ARID1B: variants seen among roughly 807,000 people sequenced by gnomAD.
ARID1B encodes AT-rich interactive domain-containing protein 1B.
A neutral mutation model predicts 212.3 loss-of-function variants in ARID1B; 30 were observed. That is an observed-to-expected ratio of 0.14 (90% CI 0.11 to 0.19). The LOEUF (loss-of-function observed/expected upper bound fraction) is 0.19. Among genes scored for constraint, ARID1B ranks in the 10% least tolerant of loss-of-function variants. The probability of loss-of-function intolerance (pLI) is 1.00; values close to 1 mark genes in which losing one functional copy is unlikely to be tolerated. For missense variants in ARID1B, 2,891 were observed against 3,204.0 expected (o/e 0.90, Z 2.36); for synonymous variants, 1,402 against 1,301.7 (o/e 1.08, Z -1.66).
At chr6:156,880,770 G>GA (rs200093923) in intron 2 of ARID1B, among the ~76,000 whole-genome samples, 1 of 107,510 alleles carries the variant, frequency 9.3e-6, no homozygotes, top group South Asian at 3.0e-4. Context: ...AAAAAGAAAA[G>GA]AAAAGAAAAA....
intron 4 of ARID1B, among the ~76,000 whole-genome samples, chr6:157,043,968 C>T (rs1047717475): frequency 3.9e-5 from 6 of 152,140 alleles, no homozygotes; most frequent in African/African-American, 9.7e-5. Flanking sequence ...ATGGGATATA[C>T]GTGTTATTTG....
intron 4 of ARID1B, among the ~76,000 whole-genome samples, chr6:156,973,015 A>G (rs1473861294): frequency 2.0e-5 from 3 of 152,216 alleles, no homozygotes; most frequent in Non-Finnish European, 2.9e-5. Flanking sequence ...TGTATTATAT[A>G]AAACCATATA....
At chr6:157,114,813 C>T (rs944781590) in intron 6 of ARID1B, among the ~76,000 whole-genome samples, 3 of 152,144 alleles carry the variant, frequency 2.0e-5, no homozygotes, top group Admixed American at 1.3e-4. Context: ...AGAGATGATG[C>T]AACCTACTTC....
rs1378530245 is a variant in ARID1B at position 157,208,836 on chromosome 6, A to G, written c.*945A>G. Reference sequence around the variant, plus strand: ...TTTTATATATTTTTTCATTAGGGCCATATCTCCAAAAAAAGAAAGAAAAAA... The same window carrying G: ...TTTTATATATTTTTTCATTAGGGCCGTATCTCCAAAAAAAGAAAGAAAAAA... On this transcript the variant is annotated 3_prime_UTR_variant, in exon 20 of 20. Transcript: ENST00000636930. 2 of 220,838 alleles carry G rather than the reference A, an allele frequency of 9.1e-6. No homozygotes were observed. Among genetic ancestry groups the G allele is most frequent in the African/African-American group, 2.3e-5 (1 of 44,058 alleles). The allele number at this position is 220,838 out of a possible 1,614,324, so 13.7% of individuals were successfully genotyped here.
chr6:156,842,345 A>T (rs1038592778), intron 2 of ARID1B, among the ~76,000 whole-genome samples: 2 of 152,198 alleles, frequency 1.3e-5, no homozygotes, highest in East Asian at 3.9e-4. Context: ...TTGATGCTTC[A>T]TGTAAATAGA....
rs2128366534 is a variant in ARID1B at position 157,198,885 on chromosome 6, C to A, written c.4457C>A (p.Pro1486His). Reference sequence around the variant, plus strand: ...CAGCCGCCGTATGGAGGGCACCAGCCCGGCCTGTACCCACAGCAGCCGGTG... The same window carrying A: ...CAGCCGCCGTATGGAGGGCACCAGCACGGCCTGTACCCACAGCAGCCGGTG... ...SGQPPYGGHQ[P>H]GLYPQQPNYK... is the part of the protein sequence containing the mutation. Residue 1486 changes from proline to histidine, a missense_variant, in exon 17 of 20, where the codon CCC becomes CAC. By Grantham distance (77) the Pro-to-His change is moderately conservative. Coordinates refer to ENST00000636930, the MANE Select transcript of ARID1B (RefSeq NM_001374828.1). The A allele has an allele frequency of 1.9e-6, 3 of 1,606,246 alleles. No individual in the cohort carries two copies. The highest frequency in any genetic ancestry group is 1.7e-6 in the Non-Finnish European group (2 of 1,176,320).
chr6:156,823,704 T>TG (rs890688738), intron 1 of ARID1B, among the ~76,000 whole-genome samples: 2 of 150,998 alleles, frequency 1.3e-5, no homozygotes, highest in African/African-American at 4.9e-5. Flanking sequence ...TTTTTTTTTT[T>TG]TGTGAAGTGT....
At chr6:156,779,590 G>C in intron 1 of ARID1B, 119 bp downstream of exon 1, 1 of 1,069,850 alleles carries the variant, frequency 9.3e-7, no homozygotes, top group Non-Finnish European at 1.2e-6. Context: ...CGGGGGCGCG[G>C]CGCCCAAAGC....
At position 156,942,081 on chromosome 6, in the gene ARID1B, G is replaced by A. The variant is rs148198528; in HGVS notation, c.2247+6505G>A. The A allele has an allele frequency of 3.2e-4, 48 of 151,990 alleles. No homozygotes were observed. In the East Asian group the frequency reaches 7.7e-3, roughly 24 times the overall value. 9.4% of individuals were successfully genotyped at this position (151,990 alleles called of 1,614,324 possible). On this transcript the variant is annotated intron_variant, in intron 4 of 19. Transcript: ENST00000636930. ...CTGAAGATTTCCATTTAAAATATGG[G>A]GGAAATGAATTTCAACCCATTTTAT...
chr6:156,940,529 T>C (rs1792589706), intron 4 of ARID1B: 1 of 152,226 alleles, frequency 6.6e-6, no homozygotes, highest in African/African-American at 2.4e-5. Flanking sequence ...AAACAGGATA[T>C]TGGAAGCCTG....
chr6:156,925,366 G>T (rs1239395943), intron 3 of ARID1B, among the ~76,000 whole-genome samples: 2 of 151,944 alleles, frequency 1.3e-5, no homozygotes, highest in African/African-American at 2.4e-5. Flanking sequence ...GTTTTTTGTT[G>T]GGTATGGTGC....
intron 4 of ARID1B, among the ~76,000 whole-genome samples, chr6:156,952,091 C>G (rs1793629676): frequency 6.6e-6 from 1 of 151,964 alleles, no homozygotes; most frequent in East Asian, 1.9e-4. Flanking sequence ...GGGTGGAAAC[C>G]CATTTAGTCA....
intron 2 of ARID1B, among the ~76,000 whole-genome samples, chr6:156,841,634 T>C (rs1287546805): frequency 6.6e-6 from 1 of 152,218 alleles, no homozygotes; most frequent in Non-Finnish European, 1.5e-5. Context: ...CTGCCATGTT[T>C]CTATTTATCT....
chr6:157,192,600 C>T (rs974506307), intron 15 of ARID1B, among the ~76,000 whole-genome samples: 1 of 152,178 alleles, frequency 6.6e-6, no homozygotes, highest in African/African-American at 2.4e-5. Flanking sequence ...AATTGAGGAG[C>T]ATACTGAATG....
chr6:156,921,431 A>G (rs538052952), intron 3 of ARID1B, among the ~76,000 whole-genome samples: 163 of 142,666 alleles, frequency 1.1e-3, no homozygotes, highest in African/African-American at 4.2e-3. Flanking sequence ...ATAGCACTTG[A>G]TGGGAAAACA....
chr6:157,119,774 G>T (rs776976607), intron 6 of ARID1B: 15 of 152,224 alleles, frequency 9.9e-5, no homozygotes, highest in Admixed American at 3.3e-4. Flanking sequence ...ATTCACAGTT[G>T]AACTCTGTTC....
Position 157,208,646 on chromosome 6 carries a change from T to C in ARID1B, c.*755T>C, listed in dbSNP as rs1372999806. On this transcript the variant is annotated 3_prime_UTR_variant, in exon 20 of 20. Transcript: ENST00000636930. ...TCCTTTCATCATTTTTTAAATATTT[T>C]TTTTACTGCCTATGGGCTGTGATGT... 1 of 232,776 alleles carries C rather than the reference T, an allele frequency of 4.3e-6. No homozygotes were observed. The highest frequency in any genetic ancestry group is 8.5e-6 in the Non-Finnish European group (1 of 117,716). The allele number at this position is 232,776 out of a possible 1,614,324, so 14.4% of individuals were successfully genotyped here.
At chr6:157,177,459 CCTGT>C (rs1457015154) in intron 11 of ARID1B, among the ~76,000 whole-genome samples, 2 of 152,188 alleles carry the variant, frequency 1.3e-5, no homozygotes, top group Non-Finnish European at 2.9e-5. Flanking sequence ...CTTAATAAAG[CCTGT>C]CTAACAGCAG....
At chr6:157,028,801 A>G (rs1780831234) in intron 4 of ARID1B, among the ~76,000 whole-genome samples, 2 of 152,228 alleles carry the variant, frequency 1.3e-5, no homozygotes, top group South Asian at 2.1e-4. Context: ...ATTCTTCTGT[A>G]GAATTTGGGC....
Sources: gnomAD v4.1 joint callset for allele counts (sites outside exome capture counted in the v4.1 genomes callset) on GRCh38, gnomAD v4.1.1 for gene constraint, MANE v1.5 for transcripts, NCBI Gene and HGNC (gene_info 2026-07-23, HGNC 2026-07-21) for gene names.